Variants in TSHZ2 observed in about 807,000 individuals in gnomAD.
TSHZ2 encodes the protein teashirt homolog 2.
TSHZ2 carries 21 observed loss-of-function variants against 74.4 expected under a neutral mutation model. The observed-to-expected ratio is 0.28, with a 90% CI of 0.20 to 0.41. TSHZ2 has a LOEUF of 0.41. Among genes scored for constraint, TSHZ2 ranks in the 10% least tolerant of loss-of-function variants. The pLI, the probability that TSHZ2 is intolerant of heterozygous loss-of-function variation, is 1.00. For missense variants in TSHZ2, 1,244 were observed against 1,293.5 expected (o/e 0.96, Z 0.59); for synonymous variants, 540 against 515.3 (o/e 1.05, Z -0.65).
chr20:53,194,658 T>C lies in TSHZ2; in HGVS notation c.41-58841T>C, dbSNP rs111778281. Among the ~76,000 whole-genome samples, 304 of 152,318 alleles carry C rather than the reference T, an allele frequency of 2.0e-3. 3 individuals are homozygous for C. Among genetic ancestry groups the C allele is most frequent in the African/African-American group, 7.1e-3 (295 of 41,572 alleles). The stretch of plus-strand genomic sequence containing the variant: ...CAGTTGAGGGGGCTTGGGCAATTGA[T>C]AGGGACTCATTAAGTCAGTGGCATT... On this transcript the variant is annotated intron_variant, in intron 1 of 2. Coordinates refer to ENST00000371497, the MANE Select transcript of TSHZ2 (RefSeq NM_173485.6).
chr20:53,155,210 T>C (rs1987767651), intron 1 of TSHZ2, among the ~76,000 whole-genome samples: 1 of 151,994 alleles, frequency 6.6e-6, no homozygotes, highest in African/African-American at 2.4e-5. Flanking sequence ...AGTATTATTG[T>C]ATCAATTGTT....
chr20:53,364,722 C>T (rs548434756), intron 2 of TSHZ2, among the ~76,000 whole-genome samples: 9 of 152,208 alleles, frequency 5.9e-5, no homozygotes, highest in Non-Finnish European at 1.2e-4. Flanking sequence ...TTGTGGAGTG[C>T]CGGGGCTTGG....
At chr20:53,426,024 T>C (rs1983643156) in intron 2 of TSHZ2, among the ~76,000 whole-genome samples, 1 of 152,194 alleles carries the variant, frequency 6.6e-6, no homozygotes, top group African/African-American at 2.4e-5. Flanking sequence ...GTTACCACTA[T>C]AGGAATTAAT....
chr20:53,470,997 A>C lies in TSHZ2; in HGVS notation c.*9-16147A>C, dbSNP rs965125437. 3.9e-5 allele frequency among the ~76,000 whole-genome samples: 6 copies of C among 152,158 alleles called. No homozygotes were observed. In the South Asian group the frequency reaches 1.2e-3, roughly 32 times the overall value. ...ATCTTTGGGGTACTAATATTTATCC[A>C]ATATGTTTCAAAAGAGAATGTATAT... On this transcript the variant is annotated intron_variant, in intron 2 of 2. Transcript: ENST00000371497.
At chr20:53,411,699 C>T (rs1353260852) in intron 2 of TSHZ2, among the ~76,000 whole-genome samples, 2 of 152,022 alleles carry the variant, frequency 1.3e-5, no homozygotes, top group Non-Finnish European at 2.9e-5. Context: ...TAGGTTGGCA[C>T]GTGCATGTAA....
intron 1 of TSHZ2, among the ~76,000 whole-genome samples, chr20:53,113,404 C>T (rs1423851752): frequency 6.6e-6 from 1 of 152,202 alleles, no homozygotes; most frequent in African/African-American, 2.4e-5. Context: ...TGTATCTAAC[C>T]ATATTAAACC....
At chr20:53,183,593 A>G (rs1414136423) in intron 1 of TSHZ2, among the ~76,000 whole-genome samples, 2 of 152,134 alleles carry the variant, frequency 1.3e-5, no homozygotes, top group African/African-American at 4.8e-5. Flanking sequence ...ACAACCACAC[A>G]CACACATATA....
At chr20:53,068,078 C>T (rs879647912) in intron 1 of TSHZ2, among the ~76,000 whole-genome samples, 11 of 152,122 alleles carry the variant, frequency 7.2e-5, no homozygotes, top group Non-Finnish European at 1.3e-4. Flanking sequence ...GTCCAAATTT[C>T]CTTTGATTTT....
intron 2 of TSHZ2, among the ~76,000 whole-genome samples, chr20:53,469,582 AAGG>A (rs1985696992): frequency 7.2e-6 from 1 of 138,470 alleles, no homozygotes; most frequent in African/African-American, 2.7e-5. Context: ...GGAAGGAAGG[AAGG>A]AAGGAAGGAA....
intron 1 of TSHZ2, among the ~76,000 whole-genome samples, chr20:52,975,684 G>T (rs1355525113): frequency 6.6e-6 from 1 of 152,180 alleles, no homozygotes; most frequent in East Asian, 1.9e-4. Context: ...TTCGTACACA[G>T]TGAGGGCCCT....
chr20:52,984,221 T>C (rs1981669094), intron 1 of TSHZ2, among the ~76,000 whole-genome samples: 1 of 152,082 alleles, frequency 6.6e-6, no homozygotes, highest in Admixed American at 6.6e-5. Flanking sequence ...TAGGAGGCGC[T>C]GGAACTGGAG....
At chr20:53,360,415 T>C (rs907539647) in intron 2 of TSHZ2, among the ~76,000 whole-genome samples, 3 of 152,210 alleles carry the variant, frequency 2.0e-5, no homozygotes, top group Non-Finnish European at 2.9e-5. Context: ...TTAACCGAAG[T>C]CAATAAATAT....
intron 1 of TSHZ2, among the ~76,000 whole-genome samples, chr20:53,193,167 C>A (rs200644842): frequency 2.7e-3 from 367 of 137,352 alleles, no homozygotes; most frequent in Non-Finnish European, 2.7e-3. Context: ...AAAATACTTT[C>A]AAAAAAAAAA....
At chr20:53,071,562 C>A (rs764515075) in intron 1 of TSHZ2, among the ~76,000 whole-genome samples, 42 of 152,314 alleles carry the variant, frequency 2.8e-4, no homozygotes, top group Middle Eastern at 3.4e-3. Flanking sequence ...TGCAAAGTCT[C>A]TGTCCTCTTC....
intron 2 of TSHZ2, among the ~76,000 whole-genome samples, chr20:53,419,671 G>A (rs909652876): frequency 7.2e-5 from 11 of 152,260 alleles, no homozygotes; most frequent in African/African-American, 2.7e-4. Context: ...ACAGCGGGCA[G>A]TCAATAACAA....
intron 2 of TSHZ2, among the ~76,000 whole-genome samples, chr20:53,293,416 T>C (rs1302440316): frequency 2.6e-5 from 4 of 151,912 alleles, no homozygotes; most frequent in African/African-American, 9.7e-5. Flanking sequence ...TGAGCTGAGA[T>C]CATGCCACTG....
chr20:52,991,064 G>T (rs952591347), intron 1 of TSHZ2, among the ~76,000 whole-genome samples: 1 of 152,144 alleles, frequency 6.6e-6, no homozygotes, highest in Admixed American at 6.5e-5. Context: ...GTATGTTGTG[G>T]GTATTAGTGT....
intron 1 of TSHZ2, among the ~76,000 whole-genome samples, chr20:53,182,230 C>CTCCCTCCTTCCTTCCTTCTT (rs1201066392): frequency 3.8e-5 from 3 of 79,318 alleles, no homozygotes; most frequent in South Asian, 7.4e-4. Context: ...TCCCTCTTGA[C>CTCCCTCCTTCCTTCCTTCTT]TCCCTCCTTC....
At chr20:53,110,621 A>T (rs1469911059) in intron 1 of TSHZ2, among the ~76,000 whole-genome samples, 1 of 152,192 alleles carries the variant, frequency 6.6e-6, no homozygotes, top group Admixed American at 6.5e-5. Context: ...CGTCTGTTGG[A>T]GCAGTTGGGA....
Sources: allele counts gnomAD v4.1 joint callset (sites outside exome capture counted in the v4.1 genomes callset), GRCh38; gene constraint gnomAD v4.1.1; transcripts MANE v1.5; gene names NCBI Gene and HGNC (gene_info 2026-07-23, HGNC 2026-07-21).